SPOCK3: variants seen among roughly 807,000 people sequenced by gnomAD.
The protein encoded by SPOCK3 is testican-3.
A neutral mutation model predicts 56.6 loss-of-function variants in SPOCK3; 30 were observed. That is an observed-to-expected ratio of 0.53 (90% confidence interval 0.40 to 0.72). SPOCK3 has a LOEUF of 0.72. Ranked by LOEUF, SPOCK3 falls within the 30% of genes least tolerant of loss-of-function variation. The pLI is 0.00. For missense variants in SPOCK3, 527 were observed against 530.0 expected, an observed-to-expected ratio of 0.99 and a Z score of 0.06; for synonymous variants, 196 against 183.3, an observed-to-expected ratio of 1.07 and a Z score of -0.56.
intron 4 of SPOCK3, among the ~76,000 whole-genome samples, chr4:166,913,303 C>A (rs1737472973): frequency 6.6e-6 from 1 of 152,138 alleles, no homozygotes; most frequent in Non-Finnish European, 1.5e-5. Flanking sequence ...TAGATCCATG[C>A]AGCTTTGATA....
At position 166,754,631 on chromosome 4, in the gene SPOCK3, G is replaced by C. The variant is rs759492099; in HGVS notation, c.808C>G (p.Leu270Val). ...NYDLLLDQSE[L>V]RSIYLDKNEQ... ...TTCTTATCAAGGTAAATGCTTCTGAGCTCTGACTGGTCCAATAGCAGGTCA... is the reference window on the plus strand; with the variant it reads ...TTCTTATCAAGGTAAATGCTTCTGACCTCTGACTGGTCCAATAGCAGGTCA... Residue 270 changes from leucine (L) to valine (V), a missense_variant, in exon 8 of 11, where the codon CTC becomes GTC. By Grantham distance (32) the Leu-to-Val change is conservative. Coordinates refer to ENST00000357545, the MANE Select transcript of SPOCK3 (RefSeq NM_001040159.2). 1 of 1,613,602 alleles carries C rather than the reference G, an allele frequency of 6.2e-7. No homozygotes were observed. Among genetic ancestry groups the C allele is most frequent in the African/African-American group, 1.3e-5 (1 of 74,878 alleles).
chr4:167,098,125 G>A (rs554025433), intron 2 of SPOCK3, among the ~76,000 whole-genome samples: 17 of 151,992 alleles, frequency 1.1e-4, no homozygotes, highest in South Asian at 8.3e-4. Flanking sequence ...GACCTGTGAC[G>A]CAACTCTTAT....
rs973203283 is a variant in SPOCK3 at position 167,045,039 on chromosome 4, C to G, written c.235+17453G>C. 2.6e-5 allele frequency among the ~76,000 whole-genome samples: 4 copies of G among 152,094 alleles called. No individual in the cohort carries two copies. In the East Asian group the frequency reaches 7.7e-4, roughly 29 times the overall value. ...GTCTCCAGTACAATAGTGAATTCAA[C>G]TATTTTTCCTTGTAGTTCTCTCAGG... On this transcript the variant is annotated intron_variant, in intron 3 of 10. Transcript: ENST00000357545.
intron 2 of SPOCK3, among the ~76,000 whole-genome samples, chr4:167,090,007 A>G (rs996513964): frequency 2.0e-5 from 3 of 152,192 alleles, no homozygotes; most frequent in Non-Finnish European, 4.4e-5. Flanking sequence ...TATGTACAAC[A>G]ATTTGGGTAT....
At chr4:166,778,367 A>G (rs1239086613) in intron 7 of SPOCK3, among the ~76,000 whole-genome samples, 1 of 152,184 alleles carries the variant, frequency 6.6e-6, no homozygotes, top group East Asian at 1.9e-4. Flanking sequence ...GAGGAACATA[A>G]ATCGAAGTAA....
Position 167,190,681 on chromosome 4 carries a change from T to C in SPOCK3, c.189+43304A>G, listed in dbSNP as rs1292972014. Among the ~76,000 whole-genome samples, 2 of 145,896 alleles carry C rather than the reference T, an allele frequency of 1.4e-5. 1 individual carries two copies. Among genetic ancestry groups the C allele is most frequent in the African/African-American group, 5.2e-5 (2 of 38,288 alleles). On this transcript the variant is annotated intron_variant, in intron 2 of 10. Coordinates refer to ENST00000357545, the MANE Select transcript of SPOCK3 (RefSeq NM_001040159.2). The stretch of plus-strand genomic sequence containing the variant: ...TTTTGGTATCATATCCAAAAGATCA[T>C]TGCCAAAACAAATGTCAAGGAGCCT...
intron 2 of SPOCK3, among the ~76,000 whole-genome samples, chr4:167,111,914 T>C (rs941689626): frequency 3.9e-5 from 6 of 151,966 alleles, no homozygotes; most frequent in African/African-American, 1.4e-4. Context: ...TGAGCCACCA[T>C]GCCTGGCTGA....
At chr4:167,080,878 C>CTTTTTTTTT (rs766090610) in intron 2 of SPOCK3, among the ~76,000 whole-genome samples, 3 of 129,050 alleles carry the variant, frequency 2.3e-5, no homozygotes, top group East Asian at 2.2e-4. Flanking sequence ...CTCTTTCTTT[C>CTTTTTTTTT]TTTTTTTTTT....
intron 6 of SPOCK3, among the ~76,000 whole-genome samples, chr4:166,810,818 G>A (rs1049818438): frequency 4.0e-5 from 6 of 151,756 alleles, no homozygotes; most frequent in Non-Finnish European, 8.8e-5. Context: ...ACTGGAGTGT[G>A]CCACTTTATC....
At chr4:166,861,685 T>A (rs750802182) in intron 6 of SPOCK3, among the ~76,000 whole-genome samples, 1 of 152,102 alleles carries the variant, frequency 6.6e-6, no homozygotes, top group South Asian at 2.1e-4. Context: ...ACCTCTGAAC[T>A]CATGCTGGTC....
At chr4:166,787,677 T>A (rs1393033017) in intron 7 of SPOCK3, among the ~76,000 whole-genome samples, 1 of 152,174 alleles carries the variant, frequency 6.6e-6, no homozygotes, top group East Asian at 1.9e-4. Flanking sequence ...AACTCTGTTT[T>A]AAAAATTCAA....
At chr4:167,065,154 C>T (rs942705087) in intron 2 of SPOCK3, among the ~76,000 whole-genome samples, 1 of 150,446 alleles carries the variant, frequency 6.6e-6, no homozygotes, top group African/African-American at 2.4e-5. Flanking sequence ...ACTGTACTGA[C>T]ATGGTACAGC....
intron 6 of SPOCK3, among the ~76,000 whole-genome samples, chr4:166,803,361 G>A (rs1316446862): frequency 2.0e-5 from 3 of 152,124 alleles, no homozygotes; most frequent in African/African-American, 4.8e-5. Flanking sequence ...ATTTTGTTCA[G>A]ACATTAGAGA....
At chr4:166,839,336 A>G (rs1746981877) in intron 6 of SPOCK3, among the ~76,000 whole-genome samples, 1 of 152,122 alleles carries the variant, frequency 6.6e-6, no homozygotes, top group African/African-American at 2.4e-5. Flanking sequence ...GGAATGTCTC[A>G]TTGTTGTTGC....
chr4:166,914,134 G>A (rs531468155), intron 4 of SPOCK3, among the ~76,000 whole-genome samples: 3 of 151,662 alleles, frequency 2.0e-5, no homozygotes, highest in Non-Finnish European at 4.4e-5. Flanking sequence ...ATGAAATTAC[G>A]CAACAATTAT....
intron 2 of SPOCK3, among the ~76,000 whole-genome samples, chr4:167,148,282 G>T (rs1234130077): frequency 6.6e-6 from 1 of 152,084 alleles, no homozygotes; most frequent in African/African-American, 2.4e-5. Flanking sequence ...ATACAAAGAG[G>T]AGAGCCTCTA....
intron 4 of SPOCK3, among the ~76,000 whole-genome samples, chr4:166,977,003 A>G (rs1443946480): frequency 1.3e-5 from 2 of 152,046 alleles, no homozygotes; most frequent in Admixed American, 6.6e-5. Context: ...ATAAGCACAC[A>G]TGGTTAATAA....
chr4:167,143,516 C>A (rs1294986513), intron 2 of SPOCK3, among the ~76,000 whole-genome samples: 1 of 151,886 alleles, frequency 6.6e-6, no homozygotes, highest in Non-Finnish European at 1.5e-5. Flanking sequence ...ATAATGCAGG[C>A]AGTAGAAAAG....
At chr4:167,057,197 G>C (rs1332920333) in intron 3 of SPOCK3, among the ~76,000 whole-genome samples, 3 of 152,256 alleles carry the variant, frequency 2.0e-5, no homozygotes, top group African/African-American at 7.2e-5. Flanking sequence ...AGCTTCATAA[G>C]TGAAGGAGAA....
Sources: gnomAD v4.1 joint callset for allele counts (sites outside exome capture counted in the v4.1 genomes callset) on GRCh38, gnomAD v4.1.1 for gene constraint, MANE v1.5 for transcripts, NCBI Gene and HGNC (gene_info 2026-07-23, HGNC 2026-07-21) for gene names.